DLGAP1: variants seen among roughly 807,000 people sequenced by gnomAD.
The protein encoded by DLGAP1 is DLG associated protein 1.
Under a neutral mutation model 90.8 loss-of-function variants are expected in DLGAP1, and 11 were observed. The ratio of observed to expected loss-of-function variants is 0.12; its 90% CI spans 0.08 to 0.20. The LOEUF (loss-of-function observed/expected upper bound fraction) is 0.20, where lower values mean the gene tolerates loss of function less well. DLGAP1 is among the 10% of genes least tolerant of loss of function. The pLI is 1.00. For missense variants in DLGAP1, 1,050 were observed against 1,333.8 expected (o/e 0.79, Z 3.31); for synonymous variants, 558 against 540.7 (o/e 1.03, Z -0.44).
chr18:3,506,702 G>T (rs1197385529), intron 11 of DLGAP1, among the ~76,000 whole-genome samples: 1 of 151,788 alleles, frequency 6.6e-6, no homozygotes, highest in Non-Finnish European at 1.5e-5. Context: ...TCCCTGTATC[G>T]TGTACACATG....
At chr18:4,091,402 T>C (rs9973155) in intron 2 of DLGAP1, among the ~76,000 whole-genome samples, 5,168 of 152,316 alleles carry the variant, frequency 0.034, 329 homozygotes, top group African/African-American at 0.12. Context: ...ATTGGATTCT[T>C]GCTTTGATTC....
intron 1 of DLGAP1, chr18:4,430,496 G>GTGTGTC (rs1009154539): frequency 8.8e-6 from 1 of 113,200 alleles, no homozygotes; most frequent in Non-Finnish European, 1.8e-5. Flanking sequence ...AAATAGTCTT[G>GTGTGTC]TGTGTCTGTG....
At chr18:4,023,607 A>T (rs1022950762) in intron 2 of DLGAP1, among the ~76,000 whole-genome samples, 38 of 151,908 alleles carry the variant, frequency 2.5e-4, no homozygotes, top group African/African-American at 9.0e-4. Flanking sequence ...CAATAAGCTT[A>T]TTTTTTTTCA....
At chr18:4,223,501 T>G (rs2078122054) in intron 1 of DLGAP1, among the ~76,000 whole-genome samples, 1 of 152,188 alleles carries the variant, frequency 6.6e-6, no homozygotes, top group Non-Finnish European at 1.5e-5. Flanking sequence ...TGTGCAAAGA[T>G]CACAGTATCA....
At chr18:4,364,773 A>C (rs2081722667) in intron 1 of DLGAP1, among the ~76,000 whole-genome samples, 1 of 152,016 alleles carries the variant, frequency 6.6e-6, no homozygotes, top group Non-Finnish European at 1.5e-5. Context: ...TGTCTTTCTA[A>C]CTTTTTGATG....
intron 9 of DLGAP1, among the ~76,000 whole-genome samples, chr18:3,563,467 T>C (rs143946341): frequency 3.1e-5 from 1 of 32,712 alleles, no homozygotes; most frequent in Non-Finnish European, 6.0e-5. Context: ...CTTTTTTTTG[T>C]TTTTTTGGTT....
At chr18:3,552,604 G>C (rs1056991890) in intron 9 of DLGAP1, among the ~76,000 whole-genome samples, 1 of 152,112 alleles carries the variant, frequency 6.6e-6, no homozygotes, top group Non-Finnish European at 1.5e-5. Context: ...CCTCAACACT[G>C]TTTGTATATC....
At chr18:3,884,437 T>C (rs998908469) in intron 3 of DLGAP1, among the ~76,000 whole-genome samples, 1 of 152,230 alleles carries the variant, frequency 6.6e-6, no homozygotes, top group Non-Finnish European at 1.5e-5. Context: ...CTTGGGTAGA[T>C]ATTTTCTGCT....
intron 2 of DLGAP1, among the ~76,000 whole-genome samples, chr18:4,130,728 A>G (rs1335238006): frequency 6.6e-6 from 1 of 152,150 alleles, no homozygotes; most frequent in Non-Finnish European, 1.5e-5. Flanking sequence ...GACTAATGTC[A>G]GGGTCATCAC....
At chr18:3,918,325 C>A (rs1422215665) in intron 3 of DLGAP1, among the ~76,000 whole-genome samples, 1 of 152,096 alleles carries the variant, frequency 6.6e-6, no homozygotes, top group Non-Finnish European at 1.5e-5. Flanking sequence ...ACGGTAGAAG[C>A]CAGCACACAG....
At chr18:4,237,909 T>G (rs532714621) in intron 1 of DLGAP1, among the ~76,000 whole-genome samples, 1 of 152,334 alleles carries the variant, frequency 6.6e-6, no homozygotes, top group South Asian at 2.1e-4. Flanking sequence ...TTATCATACA[T>G]GCCAAGTGAA....
intron 1 of DLGAP1, among the ~76,000 whole-genome samples, chr18:4,173,319 A>C (rs888055200): frequency 2.6e-5 from 4 of 152,146 alleles, no homozygotes; most frequent in Admixed American, 2.0e-4. Flanking sequence ...TTACTATTCC[A>C]TGCTGGTTTC....
intron 1 of DLGAP1, among the ~76,000 whole-genome samples, chr18:4,247,920 G>A (rs982763480): frequency 6.6e-6 from 1 of 152,054 alleles, no homozygotes; most frequent in Non-Finnish European, 1.5e-5. Context: ...ATTTCTATTT[G>A]ATCTTCAAAT....
At chr18:3,502,398 T>C (rs2049986012) in intron 12 of DLGAP1, 95 bp downstream of exon 12, 4 of 1,551,138 alleles carry the variant, frequency 2.6e-6, no homozygotes, top group Non-Finnish European at 3.5e-6. Flanking sequence ...CCATTTCACA[T>C]TGTAAACAGC....
intron 2 of DLGAP1, among the ~76,000 whole-genome samples, chr18:4,049,386 G>C (rs1426165799): frequency 1.3e-5 from 2 of 152,108 alleles, no homozygotes; most frequent in Admixed American, 1.3e-4. Context: ...TCCTGTCTGA[G>C]GGGCTTCCCG....
chr18:3,910,022 C>T (rs897131311), intron 3 of DLGAP1, among the ~76,000 whole-genome samples: 2 of 151,538 alleles, frequency 1.3e-5, no homozygotes, highest in Non-Finnish European at 2.9e-5. Flanking sequence ...TGAGAGTGTC[C>T]TTCCGAGAAG....
At chr18:3,514,304 A>G (rs904687882) in intron 10 of DLGAP1, among the ~76,000 whole-genome samples, 2 of 152,074 alleles carry the variant, frequency 1.3e-5, no homozygotes, top group Non-Finnish European at 2.9e-5. Flanking sequence ...ACATGATGCT[A>G]CACCTAACTC....
chr18:4,443,786 A>G (rs1414403369), intron 1 of DLGAP1, among the ~76,000 whole-genome samples: 3 of 152,266 alleles, frequency 2.0e-5, no homozygotes, highest in African/African-American at 7.2e-5. Flanking sequence ...TCCGTAAGAA[A>G]ATAAAGACAT....
chr18:3,728,300 T>TTTTATATATA, intron 7 of DLGAP1, among the ~76,000 whole-genome samples: 1 of 123,664 alleles, frequency 8.1e-6, no homozygotes, highest in East Asian at 2.8e-4. Flanking sequence ...AACGCAAATG[T>TTTTATATATA]TATATATATA....
Sources: allele counts gnomAD v4.1 joint callset (sites outside exome capture counted in the v4.1 genomes callset), GRCh38; gene constraint gnomAD v4.1.1; transcripts MANE v1.5; gene names NCBI Gene and HGNC (gene_info 2026-07-23, HGNC 2026-07-21).